HELLS: variants seen among roughly 807,000 people sequenced by gnomAD.
The protein encoded by HELLS is helicase, lymphoid specific.
In HELLS, 32 loss-of-function variants were observed where a neutral mutation model predicts 120.0. The observed-to-expected ratio is 0.27, with a 90% CI of 0.20 to 0.36. HELLS has a LOEUF of 0.36. Among genes scored for constraint, HELLS ranks in the 10% least tolerant of loss-of-function variants. HELLS has a pLI of 1.00. For missense variants in HELLS, 650 were observed against 993.4 expected, an observed-to-expected ratio of 0.65 and a Z score of 4.65; for synonymous variants, 341 against 323.4, an observed-to-expected ratio of 1.05 and a Z score of -0.58.
At chr10:94,548,253 T>C (rs898251891) in intron 2 of HELLS, among the ~76,000 whole-genome samples, 35 of 152,178 alleles carry the variant, frequency 2.3e-4, no homozygotes, top group African/African-American at 2.4e-4. Context: ...TATATACATA[T>C]ACTAAATATA....
chr10:94,563,687 CAT>C (rs1400389659), intron 6 of HELLS, among the ~76,000 whole-genome samples: 1 of 151,880 alleles, frequency 6.6e-6, no homozygotes, highest in Non-Finnish European at 1.5e-5. Context: ...AATGAGATGT[CAT>C]ATGTTGCCTA....
At chr10:94,564,325 G>A (rs1372611855) in intron 6 of HELLS, among the ~76,000 whole-genome samples, 1 of 152,194 alleles carries the variant, frequency 6.6e-6, no homozygotes, top group Non-Finnish European at 1.5e-5. Context: ...GACCAGAGCA[G>A]ATAAGTATTT....
intron 6 of HELLS, among the ~76,000 whole-genome samples, chr10:94,566,112 C>G (rs958548690): frequency 6.6e-6 from 1 of 151,910 alleles, no homozygotes; most frequent in Non-Finnish European, 1.5e-5. Flanking sequence ...AGGCTGGCCT[C>G]GAATTTTTGG....
intron 6 of HELLS, among the ~76,000 whole-genome samples, chr10:94,564,946 T>G (rs1263813259): frequency 2.6e-5 from 4 of 152,360 alleles, no homozygotes; most frequent in African/African-American, 9.6e-5. Flanking sequence ...ACTGTTGTTC[T>G]TTTACCTGAA....
chr10:94,597,705 G>T (rs1433414709), intron 21 of HELLS, among the ~76,000 whole-genome samples: 1 of 151,952 alleles, frequency 6.6e-6, no homozygotes, highest in Non-Finnish European at 1.5e-5. Flanking sequence ...GCTAATTTTT[G>T]TATCTTTAGT....
intron 1 of HELLS, 75 bp from the exon 2 acceptor site, chr10:94,546,302 A>G (rs1842749382): frequency 3.8e-6 from 6 of 1,578,970 alleles, no homozygotes; most frequent in Non-Finnish European, 5.2e-6. Flanking sequence ...GGTGGGAGAA[A>G]GGCTGTTTCT....
At chr10:94,548,767 G>A (rs543332678) in intron 2 of HELLS, among the ~76,000 whole-genome samples, 3 of 152,258 alleles carry the variant, frequency 2.0e-5, no homozygotes, top group Admixed American at 1.3e-4. Flanking sequence ...GCCGAGGCGG[G>A]TGGATCACCT....
intron 10 of HELLS, among the ~76,000 whole-genome samples, chr10:94,580,445 G>A (rs1294030193): frequency 2.0e-5 from 3 of 151,938 alleles, no homozygotes; most frequent in South Asian, 4.1e-4. Context: ...GCCTCCCAAA[G>A]TGCTGGGATT....
chr10:94,589,529 T>C (rs1297167394), intron 13 of HELLS, among the ~76,000 whole-genome samples: 1 of 151,776 alleles, frequency 6.6e-6, no homozygotes, highest in East Asian at 1.9e-4. Context: ...AGAGGTGGGA[T>C]GTTATTATCA....
intron 13 of HELLS, 60 bp from the exon 14 acceptor site, chr10:94,590,352 CA>C (rs1845422689): frequency 7.1e-7 from 1 of 1,402,598 alleles, no homozygotes. Flanking sequence ...ATTTTGTTTA[CA>C]TTTAGAACCT....
intron 10 of HELLS, among the ~76,000 whole-genome samples, chr10:94,577,992 A>G (rs1033075269): frequency 4.0e-5 from 6 of 149,288 alleles, no homozygotes; most frequent in East Asian, 4.0e-4. Context: ...GAACCCGGGA[A>G]GCGGAGCTTG....
chr10:94,551,803 G>C (rs1445757998), intron 2 of HELLS, among the ~76,000 whole-genome samples: 1 of 150,980 alleles, frequency 6.6e-6, no homozygotes, highest in Non-Finnish European at 1.5e-5. Flanking sequence ...GCAGTGGCGC[G>C]ATCTCGGCTC....
At chr10:94,546,000 A>G in intron 1 of HELLS, 48 bp downstream of exon 1, 4 of 1,548,640 alleles carry the variant, frequency 2.6e-6, no homozygotes, top group Non-Finnish European at 3.5e-6. Flanking sequence ...TGCGGGGCTG[A>G]GGTGGGCAAG....
In HELLS at chr10:94,594,757, T is replaced by A; in HGVS notation, c.2151T>A (p.Val717=). ...ATAGAATTGGTCAGACAAAGCCAGT[T>A]GTTGTTTATCGCCTTGTTACAGCAA... The part of the protein sequence containing the change: ...RCHRIGQTKP[V]VVYRLVTANT... The change falls in exon 19 of 22, where the codon GTT becomes GTA. Residue 717 remains valine, a synonymous_variant. Coordinates refer to ENST00000348459, the MANE Select transcript of HELLS (RefSeq NM_018063.5). 1.9e-6 allele frequency: 3 copies of A among 1,613,812 alleles called. No homozygotes were observed. The highest frequency in any genetic ancestry group is 2.5e-6 in the Non-Finnish European group (3 of 1,179,696).
chr10:94,558,429 T>C (rs1415719256), intron 4 of HELLS, among the ~76,000 whole-genome samples: 1 of 152,222 alleles, frequency 6.6e-6, no homozygotes, highest in Non-Finnish European at 1.5e-5. Context: ...ATTTTGGACG[T>C]TGGCAAAATT....
At chr10:94,585,630 C>T (rs887455849) in intron 12 of HELLS, among the ~76,000 whole-genome samples, 4 of 151,372 alleles carry the variant, frequency 2.6e-5, no homozygotes, top group East Asian at 1.9e-4. Flanking sequence ...GTGATCTGCC[C>T]GCCTTGGCCT....
At chr10:94,554,644 G>GTTTTTTTTTTTTTTTT (rs199878580) in intron 3 of HELLS, among the ~76,000 whole-genome samples, 2 of 103,072 alleles carry the variant, frequency 1.9e-5, no homozygotes, top group African/African-American at 3.9e-5. Context: ...AAGTAATAGT[G>GTTTTTTTTTTTTTTTT]TTTTTTTTTT....
chr10:94,587,725 C>G (rs1476379365), intron 12 of HELLS, among the ~76,000 whole-genome samples: 1 of 152,102 alleles, frequency 6.6e-6, no homozygotes, highest in Non-Finnish European at 1.5e-5. Flanking sequence ...CCGCACCTGG[C>G]CTCTAGTTAT....
At chr10:94,554,651 T>TTG (rs1412030910) in intron 3 of HELLS, among the ~76,000 whole-genome samples, 32 of 141,402 alleles carry the variant, frequency 2.3e-4, no homozygotes, top group Non-Finnish European at 3.9e-4. Flanking sequence ...AGTGTTTTTT[T>TTG]TTTTGTTTTT....
Sources: allele counts gnomAD v4.1 joint callset (sites outside exome capture counted in the v4.1 genomes callset), GRCh38; gene constraint gnomAD v4.1.1; transcripts MANE v1.5; gene names NCBI Gene and HGNC (gene_info 2026-07-23, HGNC 2026-07-21).